The following TNPO3 variants were observed in gnomAD, a reference collection of about 807,000 sequenced individuals.
TNPO3 encodes the protein transportin-3.
A neutral mutation model predicts 122.8 loss-of-function variants in TNPO3; 65 were observed. The observed-to-expected ratio is 0.53, with a 90% CI of 0.43 to 0.65. The LOEUF (loss-of-function observed/expected upper bound fraction) is 0.65, where lower values mean the gene tolerates loss of function less well. Among genes scored for constraint, TNPO3 ranks in the 30% least tolerant of loss-of-function variants. TNPO3 has a pLI of 0.00. For synonymous variants in TNPO3, 372 were observed against 411.2 expected (o/e 0.90, Z 1.15); for missense variants, 850 against 1,136.7 (o/e 0.75, Z 3.63).
intron 9 of TNPO3, 69 bp downstream of exon 9, chr7:128,993,738 C>G: frequency 7.6e-7 from 1 of 1,323,950 alleles, no homozygotes; most frequent in Non-Finnish European, 1.1e-6. Flanking sequence ...GGAACATTCA[C>G]AGAAGACACA....
intron 1 of TNPO3, among the ~76,000 whole-genome samples, chr7:129,037,398 C>A (rs1806812188): frequency 6.6e-6 from 1 of 152,102 alleles, no homozygotes; most frequent in South Asian, 2.1e-4. Context: ...TACGACAGGA[C>A]AGAGGAAGAA....
intron 1 of TNPO3, among the ~76,000 whole-genome samples, chr7:129,044,883 C>T (rs1251209069): frequency 6.6e-6 from 1 of 152,132 alleles, no homozygotes; most frequent in African/African-American, 2.4e-5. Context: ...GAATTGAAAG[C>T]AGGTACTCCC....
At chr7:128,961,417 A>G (rs932880759) in intron 21 of TNPO3, among the ~76,000 whole-genome samples, 1 of 152,210 alleles carries the variant, frequency 6.6e-6, no homozygotes, top group African/African-American at 2.4e-5. Flanking sequence ...AATAGGCTAC[A>G]CTATATAGAC....
At chr7:129,053,212 C>T (rs1469124745) in intron 1 of TNPO3, among the ~76,000 whole-genome samples, 1 of 152,040 alleles carries the variant, frequency 6.6e-6, no homozygotes, top group Non-Finnish European at 1.5e-5. Context: ...GTAATCCCAG[C>T]TACTCAGGAG....
intron 1 of TNPO3, among the ~76,000 whole-genome samples, chr7:129,032,341 C>T (rs187861937): frequency 1.3e-5 from 2 of 152,186 alleles, no homozygotes; most frequent in East Asian, 1.9e-4. Context: ...ACATAGTGTT[C>T]GAAGTTCTAG....
intron 1 of TNPO3, among the ~76,000 whole-genome samples, chr7:129,045,684 C>T (rs1227386997): frequency 6.6e-6 from 1 of 152,038 alleles, no homozygotes; most frequent in Non-Finnish European, 1.5e-5. Context: ...TATAGTAGTA[C>T]CCTGATAATT....
chr7:128,975,667 T>C, intron 17 of TNPO3, 152 bp downstream of exon 17: 1 of 595,606 alleles, frequency 1.7e-6, no homozygotes, highest in Non-Finnish European at 3.0e-6. Flanking sequence ...AGAGAACAAC[T>C]GGGAAGCTTC....
At chr7:128,995,325 CAG>C (rs1385631734) in intron 8 of TNPO3, among the ~76,000 whole-genome samples, 1 of 152,154 alleles carries the variant, frequency 6.6e-6, no homozygotes, top group African/African-American at 2.4e-5. Context: ...CTTCTGTAAA[CAG>C]AGTTACCAAT....
Position 128,975,810 on chromosome 7 carries a change from A to C in TNPO3, c.2178+9T>G, listed in dbSNP as rs562640541. On this transcript the variant is annotated intron_variant, in intron 17 of 22. Coordinates refer to ENST00000265388, the MANE Select transcript of TNPO3 (RefSeq NM_012470.4). ...CCTGATGCGTCTACACTCCTCATGGAAAAGATACCTGGAGCATGTCTAGCA... is the reference window on the plus strand; with the variant it reads ...CCTGATGCGTCTACACTCCTCATGGCAAAGATACCTGGAGCATGTCTAGCA... The C allele has an allele frequency of 1.9e-6, 3 of 1,590,174 alleles. No individual in the cohort carries two copies. In the East Asian group the frequency reaches 6.7e-5, roughly 36 times the overall value.
chr7:128,976,000 G>T, intron 16 of TNPO3, 65 bp from the exon 17 acceptor site: 1 of 1,122,100 alleles, frequency 8.9e-7, no homozygotes, highest in Non-Finnish European at 1.4e-6. Context: ...TTACGAAGCT[G>T]TCTCCAGGAA....
At chr7:128,986,582 C>T in intron 12 of TNPO3, 147 bp downstream of exon 12, 1 of 656,476 alleles carries the variant, frequency 1.5e-6, no homozygotes, top group Non-Finnish European at 2.6e-6. Context: ...CAACACTATC[C>T]CCTCTAGTGG....
intron 4 of TNPO3, among the ~76,000 whole-genome samples, chr7:129,013,512 G>A (rs930297306): frequency 6.6e-6 from 1 of 151,882 alleles, no homozygotes; most frequent in African/African-American, 2.4e-5. Context: ...AGAGAAAAGG[G>A]AACGCTCTGG....
intron 6 of TNPO3, 137 bp downstream of exon 6, chr7:129,000,922 A>G (rs1801875601): frequency 1.5e-5 from 15 of 1,026,874 alleles, no homozygotes; most frequent in Non-Finnish European, 2.0e-5. Flanking sequence ...AGCATAGTAG[A>G]GCATCTTTAG....
rs1430686036 is a variant in TNPO3 at position 129,017,160 on chromosome 7, A to T, written c.322-104T>A. The T allele has an allele frequency of 9.6e-6, 10 of 1,046,826 alleles. No homozygotes were observed. The East Asian group carries it at 2.2e-4, about 23-fold the overall frequency. The allele number at this position is 1,046,826 out of a possible 1,614,324, so 64.8% of individuals were successfully genotyped here. ...AACATTTCTTCCAAACAATATGACA[A>T]CTAAGACTAACCCCCTTCCCCCATT... is the stretch of plus-strand genomic sequence containing the variant. On this transcript the variant is annotated intron_variant, in intron 2 of 22. Transcript: ENST00000265388.
intron 12 of TNPO3, among the ~76,000 whole-genome samples, chr7:128,986,361 G>A (rs780412756): frequency 2.6e-5 from 4 of 152,154 alleles, no homozygotes; most frequent in African/African-American, 4.8e-5. Context: ...ACTGATCCAT[G>A]TATACTACCT....
At chr7:129,009,913 G>A (rs1464078339) in intron 4 of TNPO3, among the ~76,000 whole-genome samples, 1 of 152,034 alleles carries the variant, frequency 6.6e-6, no homozygotes, top group East Asian at 1.9e-4. Flanking sequence ...GTGAAAGTTA[G>A]GAAACTGACT....
At chr7:129,041,797 A>G (rs1238156116) in intron 1 of TNPO3, 1 of 933,340 alleles carries the variant, frequency 1.1e-6, no homozygotes, top group African/African-American at 1.8e-5. Context: ...ACAGGCCTTT[A>G]TATCAGTCTT....
intron 5 of TNPO3, among the ~76,000 whole-genome samples, chr7:129,004,177 C>A (rs907567745): frequency 1.5e-4 from 23 of 152,144 alleles, no homozygotes; most frequent in African/African-American, 4.1e-4. Flanking sequence ...AAATGTCTTT[C>A]TTTTCTTTAA....
intron 1 of TNPO3, among the ~76,000 whole-genome samples, chr7:129,031,364 G>A (rs1805930944): frequency 6.6e-6 from 1 of 151,836 alleles, no homozygotes; most frequent in South Asian, 2.1e-4. Flanking sequence ...TAAAAGTCAG[G>A]ATATTACTAC....
Sources: allele counts gnomAD v4.1 joint callset (sites outside exome capture counted in the v4.1 genomes callset), GRCh38; gene constraint gnomAD v4.1.1; transcripts MANE v1.5; gene names NCBI Gene and HGNC (gene_info 2026-07-23, HGNC 2026-07-21).